RRP15: variants seen among roughly 807,000 people sequenced by gnomAD.
RRP15 encodes RRP15-like protein.
Under a neutral mutation model 27.1 loss-of-function variants are expected in RRP15, and 18 were observed. The observed-to-expected ratio is 0.66, with a 90% CI of 0.46 to 0.98. The LOEUF (loss-of-function observed/expected upper bound fraction) is 0.98. Among genes scored for constraint, RRP15 ranks in the 50% least tolerant of loss-of-function variants. RRP15 has a pLI of 0.00. For synonymous variants in RRP15, 107 were observed against 109.4 expected, an observed-to-expected ratio of 0.98 and a Z score of 0.14; for missense variants, 359 against 337.8, an observed-to-expected ratio of 1.06 and a Z score of -0.49.
At chr1:218,310,385 A>G (rs1655974605) in intron 4 of RRP15, among the ~76,000 whole-genome samples, 1 of 152,214 alleles carries the variant, frequency 6.6e-6, no homozygotes. Flanking sequence ...ATTTGGAAAC[A>G]CCTTCATTTT....
chr1:218,302,487 T>G lies in RRP15; in HGVS notation c.333T>G (p.Ile111Met). 6.2e-7 allele frequency: 1 copy of G among 1,614,074 alleles called. No individual in the cohort carries two copies. The highest frequency in any genetic ancestry group is 8.5e-7 in the Non-Finnish European group (1 of 1,180,004). The change falls in exon 2 of 5, where the codon ATT (isoleucine) becomes ATG (methionine). Residue 111 changes from isoleucine (I) to methionine (M), a missense_variant. Physicochemically the swap from Ile to Met is conservative, Grantham distance 10. Coordinates refer to ENST00000366932, the MANE Select transcript of RRP15 (RefSeq NM_016052.4). ...NKKTPESKPT[I>M]LVKNKKLEKE... Reference sequence around the variant, plus strand: ...AAACTCCTGAAAGTAAACCTACTATTCTGGTCAAAAATAAGAAGCTGGAAA... The same window carrying G: ...AAACTCCTGAAAGTAAACCTACTATGCTGGTCAAAAATAAGAAGCTGGAAA...
intron 4 of RRP15, among the ~76,000 whole-genome samples, chr1:218,312,362 C>T (rs966139525): frequency 1.3e-5 from 2 of 151,230 alleles, no homozygotes; most frequent in Admixed American, 1.3e-4. Context: ...CCTTTTAAGA[C>T]CTTCTCTATC....
At position 218,307,473 on chromosome 1, in the gene RRP15, G is replaced by T. The variant is rs763014841; in HGVS notation, c.546G>T (p.Lys182Asn). ...TTAATGCTGTTCAGAAACATCAAAA[G>T]AATGTTGATGAAAAGGTTAAGGAAG... ...QLFNAVQKHQKNVDEKVKEAG... is the reference protein window; with the variant it reads ...QLFNAVQKHQNNVDEKVKEAG... Residue 182 changes from lysine (K) to asparagine (N), a missense_variant, in exon 4 of 5, where the codon AAG becomes AAT. By Grantham distance (94) the Lys-to-Asn change is moderately conservative. Coordinates refer to ENST00000366932, the MANE Select transcript of RRP15 (RefSeq NM_016052.4). 1 of 1,613,858 alleles carries T rather than the reference G, an allele frequency of 6.2e-7. No individual in the cohort carries two copies. The highest frequency in any genetic ancestry group is 8.5e-7 in the Non-Finnish European group (1 of 1,179,888).
intron 1 of RRP15, chr1:218,301,849 T>G (rs548622156): frequency 1.3e-5 from 2 of 153,500 alleles, no homozygotes; most frequent in South Asian, 2.1e-4. Context: ...GAAGATTTAT[T>G]CTGATAATAC....
chr1:218,297,192 T>A (rs1655731187), intron 1 of RRP15, among the ~76,000 whole-genome samples: 1 of 152,156 alleles, frequency 6.6e-6, no homozygotes, highest in Admixed American at 6.6e-5. Flanking sequence ...AATAAGAACA[T>A]AACACCCCAA....
intron 4 of RRP15, among the ~76,000 whole-genome samples, chr1:218,319,355 G>C: frequency 6.6e-6 from 1 of 152,202 alleles, no homozygotes. Flanking sequence ...GTGAGCCACT[G>C]TGCCCGGCTT....
At chr1:218,312,644 T>C (rs919213228) in intron 4 of RRP15, among the ~76,000 whole-genome samples, 1 of 152,148 alleles carries the variant, frequency 6.6e-6, no homozygotes, top group Non-Finnish European at 1.5e-5. Context: ...TTTTAGTAGC[T>C]GTTCTGGGTG....
chr1:218,301,923 T>G, intron 1 of RRP15: 1 of 176,628 alleles, frequency 5.7e-6, no homozygotes, highest in East Asian at 1.5e-4. Context: ...GCCCCTTCCA[T>G]TAGTTTAGTG....
intron 4 of RRP15, among the ~76,000 whole-genome samples, chr1:218,327,969 T>A (rs936161993): frequency 2.0e-5 from 3 of 152,266 alleles, no homozygotes; most frequent in Non-Finnish European, 4.4e-5. Flanking sequence ...AATCACTGAC[T>A]GGCTTATAAA....
intron 1 of RRP15, among the ~76,000 whole-genome samples, chr1:218,297,204 T>A (rs1444920134): frequency 6.6e-6 from 1 of 152,136 alleles, no homozygotes; most frequent in Non-Finnish European, 1.5e-5. Context: ...ACACCCCAAG[T>A]CTAATTCAGT....
intron 4 of RRP15, among the ~76,000 whole-genome samples, chr1:218,319,555 C>T (rs1450501669): frequency 1.3e-5 from 2 of 152,152 alleles, no homozygotes; most frequent in African/African-American, 4.8e-5. Context: ...GACAGGATGT[C>T]CAGCCCAAAC....
At chr1:218,286,076 G>A (rs1028738295) in intron 1 of RRP15, among the ~76,000 whole-genome samples, 4 of 152,104 alleles carry the variant, frequency 2.6e-5, no homozygotes, top group African/African-American at 9.7e-5. Flanking sequence ...AGCTTATTAG[G>A]TTACAAGGAA....
In RRP15 at chr1:218,285,328, C is replaced by A. The variant is rs369991504; in HGVS notation, c.12C>A (p.Ala4=). 4.2e-4 allele frequency: 682 copies of A among 1,613,254 alleles called. No individual in the cohort carries two copies. The highest frequency in any genetic ancestry group is 5.4e-4 in the Non-Finnish European group (642 of 1,179,778). The change falls in exon 1 of 5, where the codon GCC becomes GCA. Residue 4 remains alanine, a synonymous_variant. Coordinates refer to ENST00000366932, the MANE Select transcript of RRP15 (RefSeq NM_016052.4). MAA[A]APDSRVSEEE... is the part of the protein sequence containing the mutation. ...TCCGGCGCAGAAAAATGGCAGCCGC[C>A]GCTCCGGACTCACGTGTGAGTGAGG... is the stretch of plus-strand genomic sequence containing the variant.
At position 218,334,000 on chromosome 1, in the gene RRP15, TCTTATTTC is replaced by T. The variant is rs1656413407; in HGVS notation, c.*2918_*2925del. 6.6e-6 allele frequency: 1 copy of T among 152,148 alleles called. No individual in the cohort carries two copies. The highest frequency in any genetic ancestry group is 1.5e-5 in the Non-Finnish European group (1 of 68,024). The allele number at this position is 152,148 out of a possible 1,614,324, so 9.4% of individuals were successfully genotyped here. On this transcript the variant is annotated 3_prime_UTR_variant, in exon 5 of 5. Transcript: ENST00000366932. ...CTTATTTCATATATAGAAATAATTA[TCTTATTTC>T]CTTATTTCATATATAGAATATTCTA... is the stretch of plus-strand genomic sequence containing the variant.
At chr1:218,298,693 A>G (rs1655760588) in intron 1 of RRP15, among the ~76,000 whole-genome samples, 1 of 152,202 alleles carries the variant, frequency 6.6e-6, no homozygotes, top group Non-Finnish European at 1.5e-5. Context: ...TCTGTTCAAT[A>G]TGGTAGCCTC....
intron 4 of RRP15, among the ~76,000 whole-genome samples, chr1:218,325,921 C>T (rs997535924): frequency 1.3e-5 from 2 of 152,074 alleles, no homozygotes; most frequent in African/African-American, 4.8e-5. Flanking sequence ...GCGTTATCTT[C>T]TGACTTTTAT....
At chr1:218,302,221 G>A (rs947921700) in intron 1 of RRP15, 73 bp from the exon 2 acceptor site, 1 of 1,161,174 alleles carries the variant, frequency 8.6e-7, no homozygotes, top group African/African-American at 1.5e-5. Flanking sequence ...GCTCCAGGAA[G>A]GGTTCGGGGG....
At chr1:218,299,691 G>A (rs888911178) in intron 1 of RRP15, among the ~76,000 whole-genome samples, 2 of 152,088 alleles carry the variant, frequency 1.3e-5, no homozygotes, top group Admixed American at 1.3e-4. Flanking sequence ...AAGCCATCTT[G>A]CCTCCTTACA....
rs538522767 is a variant in RRP15 at position 218,307,064 on chromosome 1, A to G, written c.504-367A>G. 1.2e-4 allele frequency among the ~76,000 whole-genome samples: 18 copies of G among 152,354 alleles called. No individual in the cohort carries two copies. In the East Asian group the frequency reaches 1.7e-3, roughly 15 times the overall value. ...GTATTTTTTAAAGTAGGATTTTACA[A>G]TGGTTTCATAACACAAGAGTTGCAG... On this transcript the variant is annotated intron_variant, in intron 3 of 4. Coordinates refer to ENST00000366932, the MANE Select transcript of RRP15 (RefSeq NM_016052.4).
Sources: gnomAD v4.1 joint callset for allele counts (sites outside exome capture counted in the v4.1 genomes callset) on GRCh38, gnomAD v4.1.1 for gene constraint, MANE v1.5 for transcripts, NCBI Gene and HGNC (gene_info 2026-07-23, HGNC 2026-07-21) for gene names.